SYN3: variants seen among roughly 807,000 people sequenced by gnomAD.
The protein encoded by SYN3 is synapsin III.
Under a neutral mutation model 65.8 loss-of-function variants are expected in SYN3, and 35 were observed. The ratio of observed to expected loss-of-function variants is 0.53; its 90% CI spans 0.41 to 0.70. The LOEUF is 0.70. Among genes scored for constraint, SYN3 ranks in the 30% least tolerant of loss-of-function variants. The pLI, the probability that SYN3 is intolerant of heterozygous loss-of-function variation, is 0.00. For synonymous variants in SYN3, 270 were observed against 292.9 expected, an observed-to-expected ratio of 0.92 and a Z score of 0.80; for missense variants, 680 against 749.0, an observed-to-expected ratio of 0.91 and a Z score of 1.08.
chr22:32,741,312 G>A (rs146821006), intron 6 of SYN3, among the ~76,000 whole-genome samples: 2 of 151,364 alleles, frequency 1.3e-5, no homozygotes, highest in Admixed American at 1.3e-4. Context: ...GCCAAAGCTG[G>A]GATTCAGACC....
chr22:32,880,929 G>A (rs977526695), intron 4 of SYN3, among the ~76,000 whole-genome samples: 2 of 152,218 alleles, frequency 1.3e-5, no homozygotes, highest in Non-Finnish European at 2.9e-5. Context: ...TGGAAAGGCT[G>A]AGTTTGTGAG....
chr22:33,045,167 A>G (rs2054038414), intron 1 of SYN3, among the ~76,000 whole-genome samples: 1 of 152,102 alleles, frequency 6.6e-6, no homozygotes, highest in Admixed American at 6.5e-5. Context: ...AATACATTAC[A>G]GTTTGAAAGC....
At chr22:32,593,108 AG>A (rs1163627330) in intron 7 of SYN3, among the ~76,000 whole-genome samples, 1 of 152,218 alleles carries the variant, frequency 6.6e-6, no homozygotes, top group Non-Finnish European at 1.5e-5. Flanking sequence ...TCTCTCTCTC[AG>A]CTATGAATAT....
Position 32,894,299 on chromosome 22 carries a change from T to C in SYN3, c.462-25174A>G, listed in dbSNP as rs111418459. On this transcript the variant is annotated intron_variant, in intron 4 of 13. Coordinates refer to ENST00000358763, the MANE Select transcript of SYN3 (RefSeq NM_003490.4). ...AGAAGAAAACAGTCAAGGGTCCTAA[T>C]TCTGTTCCTACTACTGATTCTGTGA... Among the ~76,000 whole-genome samples the C allele has an allele frequency of 2.4e-3, 372 of 152,350 alleles. 2 individuals are homozygous for C. The highest frequency in any genetic ancestry group is 3.2e-3 in the Non-Finnish European group (217 of 68,026).
intron 6 of SYN3, among the ~76,000 whole-genome samples, chr22:32,829,670 G>A (rs2047519048): frequency 6.6e-6 from 1 of 152,246 alleles, no homozygotes; most frequent in Admixed American, 6.5e-5. Flanking sequence ...CCTCCAGCCA[G>A]GACAATGCCG....
At position 32,773,006 on chromosome 22, in the gene SYN3, C is replaced by T. The variant is rs1368915491; in HGVS notation, c.711+91909G>A. ...ATATCTGGGGCTGTATGATCTCCCT[C>T]GCAACTACTCAACTCTGATGTTGCC... On this transcript the variant is annotated intron_variant, in intron 6 of 13. Transcript: ENST00000358763. 2.0e-5 allele frequency among the ~76,000 whole-genome samples: 3 copies of T among 152,164 alleles called. No individual in the cohort carries two copies. In the East Asian group the frequency reaches 5.8e-4, roughly 29 times the overall value.
At chr22:32,985,749 T>C (rs985533559) in intron 2 of SYN3, among the ~76,000 whole-genome samples, 11 of 152,128 alleles carry the variant, frequency 7.2e-5, no homozygotes, top group African/African-American at 2.7e-4. Flanking sequence ...GTCTATTTCA[T>C]GGTTGCATCC....
At chr22:32,817,918 T>C (rs991131909) in intron 6 of SYN3, among the ~76,000 whole-genome samples, 22 of 152,214 alleles carry the variant, frequency 1.4e-4, no homozygotes, top group African/African-American at 5.1e-4. Context: ...CTCTCTGTTC[T>C]ATACTTCTCT....
At chr22:32,608,577 C>T (rs962226970) in intron 6 of SYN3, among the ~76,000 whole-genome samples, 34 of 152,164 alleles carry the variant, frequency 2.2e-4, no homozygotes, top group Non-Finnish European at 4.9e-4. Flanking sequence ...TTGCTTGGGG[C>T]TGTAGGCAAA....
intron 4 of SYN3, among the ~76,000 whole-genome samples, chr22:32,913,021 G>A (rs926523598): frequency 1.3e-5 from 2 of 151,858 alleles, no homozygotes; most frequent in Non-Finnish European, 2.9e-5. Context: ...GATGAGGTTC[G>A]ATTATAAAAA....
intron 6 of SYN3, among the ~76,000 whole-genome samples, chr22:32,663,782 T>C (rs897263768): frequency 1.3e-5 from 2 of 152,218 alleles, no homozygotes; most frequent in Admixed American, 6.5e-5. Flanking sequence ...TAAAAGTAAA[T>C]GGTAAAATCC....
intron 6 of SYN3, among the ~76,000 whole-genome samples, chr22:32,820,137 C>T (rs1341945188): frequency 6.6e-6 from 1 of 152,072 alleles, no homozygotes; most frequent in Non-Finnish European, 1.5e-5. Context: ...TCAGCCCTCT[C>T]ATCCTATTCA....
At chr22:32,755,265 C>T (rs5754250) in intron 6 of SYN3, among the ~76,000 whole-genome samples, 8,371 of 152,310 alleles carry the variant, frequency 0.055, 269 homozygotes, top group Middle Eastern at 0.099. Context: ...AATGAAATTA[C>T]TGGTTCAAGA....
chr22:32,521,596 G>T (rs560439730), intron 12 of SYN3, among the ~76,000 whole-genome samples: 1 of 151,796 alleles, frequency 6.6e-6, no homozygotes, highest in Non-Finnish European at 1.5e-5. Flanking sequence ...ACAGGCGTCC[G>T]CCACCACGCC....
intron 3 of SYN3, among the ~76,000 whole-genome samples, chr22:32,949,562 G>A (rs763566442): frequency 1.6e-4 from 25 of 152,110 alleles, no homozygotes; most frequent in Non-Finnish European, 2.6e-4. Context: ...GCATGCATGC[G>A]TGCACGCACA....
intron 6 of SYN3, among the ~76,000 whole-genome samples, chr22:32,674,650 C>T (rs1380227837): frequency 6.6e-6 from 1 of 152,118 alleles, no homozygotes; most frequent in African/African-American, 2.4e-5. Flanking sequence ...TTCATCATTC[C>T]TTTTGATCAA....
At chr22:32,526,602 G>A (rs552305460) in intron 12 of SYN3, among the ~76,000 whole-genome samples, 2 of 152,038 alleles carry the variant, frequency 1.3e-5, no homozygotes, top group East Asian at 3.9e-4. Flanking sequence ...TGCAACCTCC[G>A]CCTCCTGGGT....
chr22:32,654,448 T>C (rs1233533022), intron 6 of SYN3, among the ~76,000 whole-genome samples: 3 of 152,202 alleles, frequency 2.0e-5, no homozygotes, highest in Admixed American at 2.0e-4. Context: ...AAGCCTCCTG[T>C]GGTCTGGCCC....
chr22:32,663,637 T>A (rs1256734712), intron 6 of SYN3, among the ~76,000 whole-genome samples: 1 of 152,318 alleles, frequency 6.6e-6, no homozygotes, highest in East Asian at 1.9e-4. Flanking sequence ...GTCTCGGGTA[T>A]GTCTTTATTA....
Sources: allele counts gnomAD v4.1 joint callset (sites outside exome capture counted in the v4.1 genomes callset), GRCh38; gene constraint gnomAD v4.1.1; transcripts MANE v1.5; gene names NCBI Gene and HGNC (gene_info 2026-07-23, HGNC 2026-07-21).